CDC40: variants seen among roughly 807,000 people sequenced by gnomAD.
The protein encoded by CDC40 is cell division cycle 40, also known as pre-mRNA-processing factor 17.
In CDC40, 27 loss-of-function variants were observed where a neutral mutation model predicts 80.6. The ratio of observed to expected loss-of-function variants is 0.33; its 90% CI spans 0.25 to 0.46. The LOEUF (loss-of-function observed/expected upper bound fraction) is 0.46, where lower values mean the gene tolerates loss of function less well. Ranked by LOEUF, CDC40 falls within the 20% of genes least tolerant of loss-of-function variation. The pLI is 1.00. For missense variants in CDC40, 486 were observed against 694.1 expected, an observed-to-expected ratio of 0.70 and a Z score of 3.37; for synonymous variants, 221 against 232.6, an observed-to-expected ratio of 0.95 and a Z score of 0.45.
intron 1 of CDC40, among the ~76,000 whole-genome samples, chr6:110,190,315 A>G (rs1404382763): frequency 6.6e-6 from 1 of 152,216 alleles, no homozygotes; most frequent in East Asian, 1.9e-4. Flanking sequence ...AGTGCTTGCT[A>G]TTTTTAAAAA....
chr6:110,206,838 A>G (rs1035463709), intron 3 of CDC40, among the ~76,000 whole-genome samples: 1 of 152,224 alleles, frequency 6.6e-6, no homozygotes, highest in Admixed American at 6.5e-5. Flanking sequence ...CAAGTGCATC[A>G]TGTACATGTA....
At chr6:110,188,102 G>A (rs1212346864) in intron 1 of CDC40, among the ~76,000 whole-genome samples, 1 of 152,138 alleles carries the variant, frequency 6.6e-6, no homozygotes, top group East Asian at 1.9e-4. Context: ...TATATAAACA[G>A]TAATTTCTTA....
chr6:110,193,969 T>C (rs1294292258), intron 2 of CDC40, among the ~76,000 whole-genome samples: 1 of 152,192 alleles, frequency 6.6e-6, no homozygotes, highest in Non-Finnish European at 1.5e-5. Flanking sequence ...AAACATCTAA[T>C]TACAGATGCC....
intron 2 of CDC40, among the ~76,000 whole-genome samples, chr6:110,198,081 A>C (rs1432210352): frequency 6.6e-6 from 1 of 151,964 alleles, no homozygotes; most frequent in Non-Finnish European, 1.5e-5. Flanking sequence ...TATCGTTTTT[A>C]TAATAGCTAC....
At chr6:110,199,318 C>T (rs973795145) in intron 2 of CDC40, among the ~76,000 whole-genome samples, 2 of 150,860 alleles carry the variant, frequency 1.3e-5, no homozygotes, top group Admixed American at 6.6e-5. Context: ...AGTGGCGGGG[C>T]GCGGTGGCTC....
chr6:110,200,475 G>A (rs144142849), intron 2 of CDC40, among the ~76,000 whole-genome samples: 124 of 152,106 alleles, frequency 8.2e-4, no homozygotes, highest in African/African-American at 1.8e-3. Context: ...TATTATTTTC[G>A]CCCTTTCCAA....
At position 110,201,582 on chromosome 6, in the gene CDC40, A is replaced by G. The variant is rs1415787702; in HGVS notation, c.301A>G (p.Thr101Ala). 2 of 1,611,180 alleles carry G rather than the reference A, an allele frequency of 1.2e-6. No individual in the cohort carries two copies. The highest frequency in any genetic ancestry group is 1.1e-5 in the South Asian group (1 of 90,714). The change falls in exon 3 of 15, where the codon ACA (threonine) becomes GCA (alanine). Residue 101 changes from threonine (T) to alanine (A), a missense_variant. By Grantham distance (58) the Thr-to-Ala change is moderately conservative. Coordinates refer to ENST00000307731, the MANE Select transcript of CDC40 (RefSeq NM_015891.3). ...GTTTGGACCAGAAAATCCCTTTAGG[A>G]CACAGCAAATGGCTGCCCCTAGAAA... The part of the protein sequence containing the change: ...PEFGPENPFR[T>A]QQMAAPRNML...
rs1164516530 is a variant in CDC40, at chr6:110,228,933, G to A, written c.1519G>A (p.Val507Ile). ...NKKKIFKGHM[V>I]AGYACQVDFS... ...GAAAAAAATTTTTAAGGGCCATATG[G>A]TAGCAGGCTATGCTTGTCAGGTGGA... The change falls in exon 14 of 15, where the codon GTA (valine) becomes ATA (isoleucine). Residue 507 changes from valine (V) to isoleucine (I), a missense_variant. Coordinates refer to ENST00000307731, the MANE Select transcript of CDC40 (RefSeq NM_015891.3). The A allele has an allele frequency of 1.2e-6, 2 of 1,608,290 alleles. No homozygotes were observed. The highest frequency in any genetic ancestry group is 2.2e-5 in the East Asian group (1 of 44,612).
In CDC40 at chr6:110,230,142, C is replaced by A. The variant is rs114513867; in HGVS notation, c.*11C>A. On this transcript the variant is annotated 3_prime_UTR_variant, in exon 15 of 15. Transcript: ENST00000307731. ...AAATTGTGGGATTAATGAGATTAAT[C>A]CTTAAACTAGCTGGGATCATTTTTG... 4,062 of 1,551,782 alleles carry A rather than the reference C, an allele frequency of 2.6e-3. 93 individuals are homozygous for A. The African/African-American group carries it at 0.048, about 18-fold the overall frequency.
chr6:110,191,467 T>A (rs577569656), intron 1 of CDC40, among the ~76,000 whole-genome samples: 4 of 152,200 alleles, frequency 2.6e-5, no homozygotes, highest in African/African-American at 9.7e-5. Context: ...AAAATCCGCC[T>A]TGTGTAGTTT....
rs1009321431 is a variant in CDC40, at chr6:110,228,551, A to C, written c.1418-281A>C. Among the ~76,000 whole-genome samples, 28 of 152,132 alleles carry C rather than the reference A, an allele frequency of 1.8e-4. 1 individual carries two copies. Among genetic ancestry groups the C allele is most frequent in the African/African-American group, 6.7e-4 (28 of 41,528 alleles). ...CTTTTAGCTTATTTCTTTAACATTAAGCTTGGAATTTCTATATTTCCTTAT... is the reference window on the plus strand; with the variant it reads ...CTTTTAGCTTATTTCTTTAACATTACGCTTGGAATTTCTATATTTCCTTAT... On this transcript the variant is annotated intron_variant, in intron 13 of 14. Coordinates refer to ENST00000307731, the MANE Select transcript of CDC40 (RefSeq NM_015891.3).
chr6:110,215,628 G>C (rs1455415928), intron 9 of CDC40, among the ~76,000 whole-genome samples: 1 of 152,204 alleles, frequency 6.6e-6, no homozygotes, highest in Non-Finnish European at 1.5e-5. Context: ...AGTAGCAAGA[G>C]AGGGACCAGA....
intron 11 of CDC40, 104 bp downstream of exon 11, chr6:110,219,583 T>G: frequency 2.7e-6 from 3 of 1,116,268 alleles, no homozygotes; most frequent in Admixed American, 2.1e-5. Flanking sequence ...TTTGCTACTT[T>G]TAGGGACGGC....
At chr6:110,188,453 A>G (rs942920905) in intron 1 of CDC40, among the ~76,000 whole-genome samples, 1 of 152,226 alleles carries the variant, frequency 6.6e-6, no homozygotes, top group Non-Finnish European at 1.5e-5. Flanking sequence ...TAAAGATTCT[A>G]GTGTTCATTC....
intron 2 of CDC40, among the ~76,000 whole-genome samples, chr6:110,195,495 C>T (rs1193552792): frequency 1.3e-5 from 2 of 152,000 alleles, no homozygotes; most frequent in African/African-American, 2.4e-5. Context: ...TGGAGTTAAG[C>T]GGAATACTTA....
intron 5 of CDC40, among the ~76,000 whole-genome samples, chr6:110,209,857 T>C (rs1017484677): frequency 6.6e-6 from 1 of 152,190 alleles, no homozygotes; most frequent in Non-Finnish European, 1.5e-5. Flanking sequence ...ACAGGTGATA[T>C]CTAAGATGAA....
chr6:110,209,661 TTG>T (rs1417326400), intron 5 of CDC40, among the ~76,000 whole-genome samples: 1 of 152,168 alleles, frequency 6.6e-6, no homozygotes, highest in African/African-American at 2.4e-5. Flanking sequence ...ACTATAAAGT[TTG>T]TAAAGTAAAT....
At chr6:110,197,315 A>G (rs1426266918) in intron 2 of CDC40, among the ~76,000 whole-genome samples, 1 of 152,200 alleles carries the variant, frequency 6.6e-6, no homozygotes, top group East Asian at 1.9e-4. Flanking sequence ...TAATTTTTTA[A>G]TTAACAAAAA....
At chr6:110,200,661 T>C (rs1268141770) in intron 2 of CDC40, among the ~76,000 whole-genome samples, 1 of 152,188 alleles carries the variant, frequency 6.6e-6, no homozygotes, top group Non-Finnish European at 1.5e-5. Flanking sequence ...AACTTTATGA[T>C]GTAATAGAAT....
Sources: allele counts gnomAD v4.1 joint callset (sites outside exome capture counted in the v4.1 genomes callset), GRCh38; gene constraint gnomAD v4.1.1; transcripts MANE v1.5; gene names NCBI Gene and HGNC (gene_info 2026-07-23, HGNC 2026-07-21).